ZFYVE16: variants seen among roughly 807,000 people sequenced by gnomAD.
ZFYVE16 encodes zinc finger FYVE-type containing 16.
In ZFYVE16, 89 loss-of-function variants were observed where a neutral mutation model predicts 138.1. That is an observed-to-expected ratio of 0.64 (90% confidence interval 0.54 to 0.77). The LOEUF (loss-of-function observed/expected upper bound fraction) is 0.77. Ranked by LOEUF, ZFYVE16 falls within the 30% of genes least tolerant of loss-of-function variation. The probability of loss-of-function intolerance (pLI) is 0.00; values close to 1 mark genes in which losing one functional copy is unlikely to be tolerated. For missense variants in ZFYVE16, 1,793 were observed against 1,786.7 expected (o/e 1.00, Z -0.06); for synonymous variants, 596 against 618.3 (o/e 0.96, Z 0.53).
At chr5:80,419,760 A>G (rs145418004) in intron 1 of ZFYVE16, among the ~76,000 whole-genome samples, 2 of 151,938 alleles carry the variant, frequency 1.3e-5, no homozygotes, top group Middle Eastern at 3.2e-3. Flanking sequence ...TTGGGATTGC[A>G]CAAGAATCTA....
At chr5:80,414,287 C>G (rs767820788) in intron 1 of ZFYVE16, among the ~76,000 whole-genome samples, 2 of 152,210 alleles carry the variant, frequency 1.3e-5, no homozygotes, top group African/African-American at 2.4e-5. Flanking sequence ...TTTCCTGCCT[C>G]CATCTTGATG....
At chr5:80,449,278 C>G (rs1203354666) in intron 8 of ZFYVE16, among the ~76,000 whole-genome samples, 1 of 152,084 alleles carries the variant, frequency 6.6e-6, no homozygotes, top group African/African-American at 2.4e-5. Context: ...GAGTGCTTAC[C>G]AAACTGGAAT....
At chr5:80,448,492 CTTAG>C (rs1173725244) in intron 8 of ZFYVE16, 88 bp downstream of exon 8, 3 of 1,298,488 alleles carry the variant, frequency 2.3e-6, no homozygotes, top group Non-Finnish European at 2.0e-6. Flanking sequence ...ATTTTTTTAA[CTTAG>C]TTTGGTTGCA....
At chr5:80,460,479 T>C (rs541007813) in intron 15 of ZFYVE16, among the ~76,000 whole-genome samples, 55 of 152,316 alleles carry the variant, frequency 3.6e-4, no homozygotes, top group Non-Finnish European at 5.9e-4. Context: ...AAGAAATCTA[T>C]CATACAGTTT....
At chr5:80,426,880 T>A (rs906834727) in intron 1 of ZFYVE16, among the ~76,000 whole-genome samples, 3 of 152,148 alleles carry the variant, frequency 2.0e-5, no homozygotes, top group Non-Finnish European at 4.4e-5. Flanking sequence ...TGCATAGAAG[T>A]GTTCCTATTT....
chr5:80,469,581 T>C (rs1162659712), intron 15 of ZFYVE16, among the ~76,000 whole-genome samples: 4 of 152,096 alleles, frequency 2.6e-5, no homozygotes, highest in African/African-American at 9.7e-5. Flanking sequence ...ATCTTCAGTT[T>C]TTGTCAGCTT....
At chr5:80,465,400 G>GTTTTGTTTTTT (rs762431523) in intron 15 of ZFYVE16, among the ~76,000 whole-genome samples, 1 of 26,778 alleles carries the variant, frequency 3.7e-5, no homozygotes, top group African/African-American at 1.0e-4. Context: ...CCTTTTCTTT[G>GTTTTGTTTTTT]TTTTTTTTTT....
chr5:80,470,101 ATTTTTTTTT>A (rs1185797719), intron 15 of ZFYVE16, among the ~76,000 whole-genome samples: 2 of 108,546 alleles, frequency 1.8e-5, no homozygotes, highest in Non-Finnish European at 1.7e-5. Flanking sequence ...GTGTGTGTGT[ATTTTTTTTT>A]TTTTTTTTTG....
chr5:80,480,673 G>A lies in ZFYVE16; in HGVS notation c.*3296G>A, dbSNP rs536034777. On this transcript the variant is annotated 3_prime_UTR_variant, in exon 19 of 19. Coordinates refer to ENST00000505560, the MANE Select transcript of ZFYVE16 (RefSeq NM_001284236.3). ...GGTGCAGTGGCTCACACCTGTAATC[G>A]AGCACTTTGGGAGGCCAAGGCAGGA... Among the ~76,000 whole-genome samples the A allele has an allele frequency of 2.0e-5, 3 of 152,060 alleles. No homozygotes were observed. Among genetic ancestry groups the A allele is most frequent in the African/African-American group, 7.2e-5 (3 of 41,486 alleles).
rs1755245393 is a variant in ZFYVE16 at position 80,480,920 on chromosome 5, AAG to A, written c.*3545_*3546del. On this transcript the variant is annotated 3_prime_UTR_variant, in exon 19 of 19. Coordinates refer to ENST00000505560, the MANE Select transcript of ZFYVE16 (RefSeq NM_001284236.3). ...GTCTCAAAAAAAAGGAAAAAGAAAA[AAG>A]ACATTTAACAGGAAAACTGGAAATG... 6.6e-6 allele frequency among the ~76,000 whole-genome samples: 1 copy of A among 152,134 alleles called. No individual in the cohort carries two copies. The highest frequency in any genetic ancestry group is 2.4e-5 in the African/African-American group (1 of 41,430).
At chr5:80,470,620 C>T (rs1396126093) in intron 15 of ZFYVE16, among the ~76,000 whole-genome samples, 1 of 151,962 alleles carries the variant, frequency 6.6e-6, no homozygotes, top group African/African-American at 2.4e-5. Context: ...AAGTGATCCT[C>T]CTGCATCAGC....
At chr5:80,422,123 T>C (rs1162052494) in intron 1 of ZFYVE16, among the ~76,000 whole-genome samples, 1 of 152,226 alleles carries the variant, frequency 6.6e-6, no homozygotes, top group Non-Finnish European at 1.5e-5. Flanking sequence ...ATAAGAATGC[T>C]TGTGATTTTT....
At chr5:80,475,944 T>C (rs1428501875) in intron 18 of ZFYVE16, among the ~76,000 whole-genome samples, 1 of 152,094 alleles carries the variant, frequency 6.6e-6, no homozygotes, top group Non-Finnish European at 1.5e-5. Context: ...TGAGAGCTCT[T>C]TCCCTCACAT....
Position 80,437,295 on chromosome 5 carries a change from AT to A in ZFYVE16, c.611del (p.Ile204ThrfsTer6). 3.1e-6 allele frequency: 5 copies of A among 1,608,212 alleles called. No homozygotes were observed. The highest frequency in any genetic ancestry group is 4.2e-6 in the Non-Finnish European group (5 of 1,176,984). ...SELQNREIGG[I>X]KELGIKVDTT... ...ATTACAAAATAGAGAAATCGGAGGA[AT>A]CAAAGAATTGGGTATAAAAGTAGAT... On this transcript the variant is annotated frameshift_variant, in exon 4 of 19. Transcript: ENST00000505560. LOFTEE classifies it high-confidence loss of function.
chr5:80,451,740 T>C (rs773142870), intron 11 of ZFYVE16, 31 bp downstream of exon 11: 13 of 1,547,144 alleles, frequency 8.4e-6, no homozygotes, highest in Non-Finnish European at 1.2e-5. Flanking sequence ...TTAAATTGCA[T>C]ATTTTCAAAT....
intron 5 of ZFYVE16, chr5:80,441,766 TA>T (rs1185651663): frequency 1.0e-6 from 1 of 985,332 alleles, no homozygotes. Context: ...TTCACTTGGT[TA>T]ATGGAAGCCA....
At chr5:80,435,574 CT>C (rs1168506201) in intron 3 of ZFYVE16, among the ~76,000 whole-genome samples, 2 of 152,138 alleles carry the variant, frequency 1.3e-5, no homozygotes, top group Admixed American at 6.6e-5. Flanking sequence ...AACTAAGTTT[CT>C]TTTTTTTCTA....
chr5:80,460,953 C>G (rs931087181), intron 15 of ZFYVE16, among the ~76,000 whole-genome samples: 1 of 152,184 alleles, frequency 6.6e-6, no homozygotes, highest in Non-Finnish European at 1.5e-5. Flanking sequence ...TCCTTCTACT[C>G]TCCTCTCATT....
At chr5:80,464,481 A>G (rs1358568628) in intron 15 of ZFYVE16, among the ~76,000 whole-genome samples, 3 of 152,160 alleles carry the variant, frequency 2.0e-5, no homozygotes, top group Admixed American at 6.5e-5. Context: ...TTGACACGTG[A>G]GGATTATGGG....
Sources: gnomAD v4.1 joint callset for allele counts (sites outside exome capture counted in the v4.1 genomes callset) on GRCh38, gnomAD v4.1.1 for gene constraint, MANE v1.5 for transcripts, NCBI Gene and HGNC (gene_info 2026-07-23, HGNC 2026-07-21) for gene names.